FREM2: variants seen among roughly 807,000 people sequenced by gnomAD.
FREM2 encodes the protein FRAS1-related extracellular matrix protein 2.
In FREM2, 119 loss-of-function variants were observed where a neutral mutation model predicts 219.9. That is an observed-to-expected ratio of 0.54 (90% confidence interval 0.47 to 0.63). The LOEUF is 0.63. Among genes scored for constraint, FREM2 ranks in the 30% least tolerant of loss-of-function variants. FREM2 has a pLI of 0.00. For missense variants in FREM2, 4,030 were observed against 3,993.6 expected (o/e 1.01, Z -0.25); for synonymous variants, 1,562 against 1,522.8 (o/e 1.03, Z -0.60).
intron 6 of FREM2, among the ~76,000 whole-genome samples, chr13:38,789,900 A>G (rs1024777069): frequency 1.4e-4 from 21 of 151,852 alleles, no homozygotes; most frequent in Admixed American, 1.0e-3. Flanking sequence ...TTTCGCTTCA[A>G]CTGCTTCTTG....
chr13:38,696,341 A>C (rs1176960878), intron 1 of FREM2, among the ~76,000 whole-genome samples: 1 of 152,192 alleles, frequency 6.6e-6, no homozygotes, highest in Admixed American at 6.5e-5. Context: ...GGAGCTATAG[A>C]AATTTGTGGC....
At chr13:38,714,803 G>A (rs1488471127) in intron 2 of FREM2, among the ~76,000 whole-genome samples, 1 of 151,936 alleles carries the variant, frequency 6.6e-6, no homozygotes, top group Non-Finnish European at 1.5e-5. Context: ...CTTAAAAATT[G>A]GCCCAGCGCG....
Position 38,874,515 on chromosome 13 carries a change from A to G in FREM2, c.8210A>G (p.Asp2737Gly). The G allele has an allele frequency of 6.2e-7, 1 of 1,614,094 alleles. No homozygotes were observed. Among genetic ancestry groups the G allele is most frequent in the Non-Finnish European group, 8.5e-7 (1 of 1,179,978 alleles). ...TATCCAACCAGCATGCGCATCGGTG[A>G]TGAGGGGCGCTTGGCCGTGCACTTC... Reference protein sequence around the residue: ...SLYPTSMRIGDEGRLAVHFKT... With the variant: ...SLYPTSMRIGGEGRLAVHFKT... The change falls in exon 18 of 24, where the codon GAT becomes GGT. Residue 2737 changes from aspartate (D) to glycine (G), a missense_variant. Asp to Gly is a moderately conservative substitution (Grantham distance 94). Around this residue, in one of 2 missense-constraint regions of FREM2, gnomAD observed 928 missense variants for 1,042.9 expected, o/e 0.89. Coordinates refer to ENST00000280481, the MANE Select transcript of FREM2 (RefSeq NM_207361.6).
Position 38,689,460 on chromosome 13 carries a change from G to T in FREM2, c.2116G>T (p.Gly706Cys). 1 of 1,614,058 alleles carries T rather than the reference G, an allele frequency of 6.2e-7. No homozygotes were observed. The highest frequency in any genetic ancestry group is 8.5e-7 in the Non-Finnish European group (1 of 1,180,000). Residue 706 changes from glycine (G) to cysteine (C), a missense_variant, in exon 1 of 24, where the codon GGC becomes TGC. Around this residue, in one of 2 missense-constraint regions of FREM2, gnomAD observed 3,102 missense variants for 2,950.7 expected, o/e 1.05. Transcript: ENST00000280481. ...VDRLPPELGS[G>C]CPLRMVVQES... ...TCGCCTCCCTCCGGAGCTGGGCAGT[G>T]GCTGTCCCCTTCGTATGGTGGTACA...
intron 6 of FREM2, among the ~76,000 whole-genome samples, chr13:38,830,080 G>A (rs1327458566): frequency 6.6e-6 from 1 of 152,036 alleles, no homozygotes; most frequent in Non-Finnish European, 1.5e-5. Context: ...TTCTCTAAAA[G>A]AAGACACATA....
chr13:38,754,633 C>T (rs925284259), intron 2 of FREM2, among the ~76,000 whole-genome samples: 2 of 152,050 alleles, frequency 1.3e-5, no homozygotes, highest in Non-Finnish European at 2.9e-5. Context: ...AGATAATGTG[C>T]GTATTATCAA....
Position 38,690,154 on chromosome 13 carries a change from A to G in FREM2, c.2810A>G (p.Asp937Gly), listed in dbSNP as rs138008122. ...CTCAGAGTAAATGTCCGGCCAGTGG[A>G]TGATGAAGTGCCCATACTGAGCCAT... ...ITLRVNVRPV[D>G]DEVPILSHPT... The change falls in exon 1 of 24, where the codon GAT becomes GGT. Residue 937 changes from aspartate (D) to glycine (G), a missense_variant. Asp to Gly is a moderately conservative substitution (Grantham distance 94). Transcript: ENST00000280481. 3.7e-6 allele frequency: 6 copies of G among 1,614,012 alleles called. No homozygotes were observed. In the African/African-American group the frequency reaches 6.7e-5, roughly 18 times the overall value.
rs571602820 is a variant in FREM2, at chr13:38,874,462, T to C, written c.8177-20T>C. The stretch of plus-strand genomic sequence containing the variant: ...CTCTGGCTACATATATTTTCATTCT[T>C]GGTACTCTCCCCATTATAGGTTCTC... On this transcript the variant is annotated intron_variant, in intron 17 of 23. Transcript: ENST00000280481. 11 of 1,593,560 alleles carry C rather than the reference T, an allele frequency of 6.9e-6. No homozygotes were observed. The South Asian group carries it at 1.2e-4, about 18-fold the overall frequency.
Position 38,699,971 on chromosome 13 carries a change from C to T in FREM2, c.5263+2184C>T, listed in dbSNP as rs1241051201. On this transcript the variant is annotated intron_variant, in intron 2 of 23. Coordinates refer to ENST00000280481, the MANE Select transcript of FREM2 (RefSeq NM_207361.6). ...AAATATGAAATGTGTGAGTATTTCA[C>T]CCCTGGGAAGCAAGTCAGGGCACAA... Among the ~76,000 whole-genome samples the T allele has an allele frequency of 2.6e-5, 4 of 151,984 alleles. No homozygotes were observed. The East Asian group carries it at 7.7e-4, about 29-fold the overall frequency.
At chr13:38,827,346 A>G (rs1876330662) in intron 6 of FREM2, 1 of 152,138 alleles carries the variant, frequency 6.6e-6, no homozygotes, top group African/African-American at 2.4e-5. Context: ...GGCAGTCAGT[A>G]AATGTAGCGA....
intron 4 of FREM2, among the ~76,000 whole-genome samples, chr13:38,777,175 CATA>C (rs948086028): frequency 4.6e-5 from 7 of 151,766 alleles, no homozygotes; most frequent in African/African-American, 1.7e-4. Context: ...TGTATACAAT[CATA>C]TATATATAAT....
At chr13:38,694,337 C>CA (rs1870017314) in intron 1 of FREM2, among the ~76,000 whole-genome samples, 1 of 152,072 alleles carries the variant, frequency 6.6e-6, no homozygotes, top group African/African-American at 2.4e-5. Flanking sequence ...CCAATATAAA[C>CA]CAAAATATTG....
At chr13:38,715,322 A>G (rs940494943) in intron 2 of FREM2, among the ~76,000 whole-genome samples, 4 of 152,238 alleles carry the variant, frequency 2.6e-5, no homozygotes, top group African/African-American at 9.6e-5. Context: ...GAAATAATTC[A>G]AAAAGTAGGG....
At chr13:38,859,230 G>T in intron 13 of FREM2, 57 bp from the exon 14 acceptor site, 2 of 1,543,666 alleles carry the variant, frequency 1.3e-6, no homozygotes, top group Non-Finnish European at 1.8e-6. Context: ...AACGGGAGAA[G>T]AATGCGTTCC....
chr13:38,798,835 A>G (rs1295657678), intron 6 of FREM2, among the ~76,000 whole-genome samples: 1 of 151,596 alleles, frequency 6.6e-6, no homozygotes, highest in East Asian at 1.9e-4. Context: ...TTCCTTTCTG[A>G]TTTTGTTTAT....
In FREM2 at chr13:38,748,611, C is replaced by G. The variant is rs1872577494; in HGVS notation, c.5264-15693C>G. ...ATTGAGAAATGCTGTGTGCTCCAATCCCTTCCTTAGACTTCCTCAGTGCAT... is the reference window on the plus strand; with the variant it reads ...ATTGAGAAATGCTGTGTGCTCCAATGCCTTCCTTAGACTTCCTCAGTGCAT... On this transcript the variant is annotated intron_variant, in intron 2 of 23. Transcript: ENST00000280481. Among the ~76,000 whole-genome samples the G allele has an allele frequency of 2.0e-5, 3 of 152,156 alleles. No homozygotes were observed. In the South Asian group the frequency reaches 6.2e-4, roughly 32 times the overall value.
chr13:38,705,981 C>G (rs1032715608), intron 2 of FREM2, among the ~76,000 whole-genome samples: 1 of 152,108 alleles, frequency 6.6e-6, no homozygotes, highest in African/African-American at 2.4e-5. Flanking sequence ...TTCAATGCTA[C>G]GGAGGCTTCC....
At position 38,688,976 on chromosome 13, in the gene FREM2, G is replaced by A; in HGVS notation, c.1632G>A (p.Gln544=). ...TGGTGGATGGAGGAGGCAGGCACCA[G>A]GTACAGTTTCTGTTCCCCATCACCT... The part of the protein sequence containing the change: ...LRMVDGGGRH[Q]VQFLFPITLV... Residue 544 remains glutamine, a synonymous_variant, in exon 1 of 24, where the codon CAG becomes CAA. Coordinates refer to ENST00000280481, the MANE Select transcript of FREM2 (RefSeq NM_207361.6). 6.2e-7 allele frequency: 1 copy of A among 1,613,868 alleles called. No individual in the cohort carries two copies. The highest frequency in any genetic ancestry group is 8.5e-7 in the Non-Finnish European group (1 of 1,179,914).
chr13:38,860,870 T>G (rs1877736380), intron 14 of FREM2, among the ~76,000 whole-genome samples: 1 of 152,200 alleles, frequency 6.6e-6, no homozygotes, highest in South Asian at 2.1e-4. Flanking sequence ...ATACACATAC[T>G]GTAAAAAATT....
Sources: allele counts gnomAD v4.1 joint callset (sites outside exome capture counted in the v4.1 genomes callset), GRCh38; gene constraint gnomAD v4.1.1; regional missense constraint gnomAD v4.1.1; transcripts MANE v1.5; gene names NCBI Gene and HGNC (gene_info 2026-07-23, HGNC 2026-07-21).